The following FNBP4 variants were observed in gnomAD, a reference collection of about 807,000 sequenced individuals.
The protein encoded by FNBP4 is formin binding protein 4, also known as formin-binding protein 4.
A neutral mutation model predicts 119.3 loss-of-function variants in FNBP4; 34 were observed. That is an observed-to-expected ratio of 0.28 (90% confidence interval 0.22 to 0.38). The LOEUF (loss-of-function observed/expected upper bound fraction) is 0.38, where lower values mean the gene tolerates loss of function less well. Among genes scored for constraint, FNBP4 ranks in the 10% least tolerant of loss-of-function variants. The pLI, the probability that FNBP4 is intolerant of heterozygous loss-of-function variation, is 1.00. For synonymous variants in FNBP4, 462 were observed against 430.6 expected (o/e 1.07, Z -0.90); for missense variants, 1,112 against 1,228.9 (o/e 0.90, Z 1.42).
chr11:47,750,083 G>T (rs1338095644), intron 6 of FNBP4, among the ~76,000 whole-genome samples: 3 of 151,990 alleles, frequency 2.0e-5, no homozygotes. Flanking sequence ...AGCTCTCAAA[G>T]AAAAAGTGAA....
chr11:47,766,165 T>A (rs1474530239), intron 1 of FNBP4, among the ~76,000 whole-genome samples: 1 of 151,710 alleles, frequency 6.6e-6, no homozygotes, highest in Non-Finnish European at 1.5e-5. Context: ...AATACAAAAA[T>A]TAGCCGGGCA....
Position 47,723,165 on chromosome 11 carries a change from C to A in FNBP4, c.2616G>T (p.Met872Ile), listed in dbSNP as rs1299576372. 2 of 1,614,088 alleles carry A rather than the reference C, an allele frequency of 1.2e-6. No homozygotes were observed. The highest frequency in any genetic ancestry group is 1.7e-6 in the Non-Finnish European group (2 of 1,180,026). The change falls in exon 15 of 17, where the codon ATG (methionine) becomes ATT (isoleucine). Residue 872 changes from methionine (M) to isoleucine (I), a missense_variant. By Grantham distance (10) the Met-to-Ile change is conservative. Coordinates refer to ENST00000263773, the MANE Select transcript of FNBP4 (RefSeq NM_015308.5). ...TTGGGACAGAACATTCTGCATAACTCATAATTGCAGGTGCTGCCGCTAGTC... is the reference window on the plus strand; with the variant it reads ...TTGGGACAGAACATTCTGCATAACTAATAATTGCAGGTGCTGCCGCTAGTC... Reference protein sequence around the residue: ...YLGLAAAPAIMSYAECSVPIG... With the variant: ...YLGLAAAPAIISYAECSVPIG...
intron 15 of FNBP4, among the ~76,000 whole-genome samples, chr11:47,722,536 A>C (rs1297855686): frequency 6.6e-6 from 1 of 152,064 alleles, no homozygotes; most frequent in Non-Finnish European, 1.5e-5. Flanking sequence ...CACTTGAGAC[A>C]AACAGATTTC....
At chr11:47,724,206 G>C (rs750112750) in intron 13 of FNBP4, 34 bp from the exon 14 acceptor site, 2 of 1,611,570 alleles carry the variant, frequency 1.2e-6, no homozygotes, top group Non-Finnish European at 1.7e-6. Flanking sequence ...AGTGGCTGAA[G>C]GCCATGGTTA....
chr11:47,750,188 G>A (rs764879820), intron 6 of FNBP4, among the ~76,000 whole-genome samples: 24 of 151,784 alleles, frequency 1.6e-4, no homozygotes, highest in Non-Finnish European at 2.5e-4. Context: ...AGACCAGCCT[G>A]ACCAACATGG....
intron 1 of FNBP4, among the ~76,000 whole-genome samples, chr11:47,765,583 C>G (rs192678086): frequency 0.032 from 1,264 of 39,648 alleles, 38 homozygotes; most frequent in African/African-American, 0.076. Context: ...GGGGGGGGGG[C>G]CACTTGAGGT....
At chr11:47,728,650 C>T (rs1005625411) in intron 12 of FNBP4, among the ~76,000 whole-genome samples, 1 of 152,064 alleles carries the variant, frequency 6.6e-6, no homozygotes, top group Admixed American at 6.6e-5. Flanking sequence ...ATCCTTCCCA[C>T]CTCAGCCTTC....
chr11:47,736,489 G>A lies in FNBP4; in HGVS notation c.1581+127C>T, dbSNP rs557295496. On this transcript the variant is annotated intron_variant, in intron 9 of 16. Transcript: ENST00000263773. ...GAGAATGGCTTGAACCCAGGAGGCA[G>A]GCAGAGGTTGCAGTGAGCTGAGATC... The A allele has an allele frequency of 3.9e-5, 26 of 674,926 alleles. No individual in the cohort carries two copies. In the South Asian group the frequency reaches 4.8e-4, roughly 13 times the overall value. The allele number at this position is 674,926 out of a possible 1,614,324, so 41.8% of individuals were successfully genotyped here.
intron 2 of FNBP4, 116 bp from the exon 3 acceptor site, chr11:47,754,780 C>A: frequency 9.4e-7 from 1 of 1,062,382 alleles, no homozygotes; most frequent in Middle Eastern, 2.3e-4. Context: ...TAGAACATAA[C>A]CGCAAAACTA....
Position 47,759,339 on chromosome 11 carries a change from G to A in FNBP4, c.314-4675C>T, listed in dbSNP as rs138500301. On this transcript the variant is annotated intron_variant, in intron 2 of 16. Transcript: ENST00000263773. Reference sequence around the variant, plus strand: ...TGATTCTCCAGCCTCGGTCTCCCAAGTAGCTGGGATTATAGGCGTGCACCA... The same window carrying A: ...TGATTCTCCAGCCTCGGTCTCCCAAATAGCTGGGATTATAGGCGTGCACCA... Among the ~76,000 whole-genome samples, 901 of 151,482 alleles carry A rather than the reference G, an allele frequency of 5.9e-3. 7 individuals carry two copies. Among genetic ancestry groups the A allele is most frequent in the Non-Finnish European group, 8.1e-3 (548 of 67,904 alleles).
chr11:47,736,855 G>T, intron 8 of FNBP4, 115 bp from the exon 9 acceptor site: 1 of 989,434 alleles, frequency 1.0e-6, no homozygotes, highest in Non-Finnish European at 1.5e-6. Flanking sequence ...TCTCTTGCCT[G>T]TTTTACTTAC....
chr11:47,729,457 T>C (rs1363100128), intron 12 of FNBP4: 1 of 985,150 alleles, frequency 1.0e-6, no homozygotes, highest in Non-Finnish European at 1.2e-6. Flanking sequence ...CTTAGAAAAA[T>C]AAATAGAACT....
rs201639960 is a variant in FNBP4 at position 47,724,791 on chromosome 11, G to T, written c.2009-13C>A. 6 of 1,526,420 alleles carry T rather than the reference G, an allele frequency of 3.9e-6. No individual in the cohort carries two copies. The highest frequency in any genetic ancestry group is 2.3e-5 in the East Asian group (1 of 44,130). 94.6% of individuals were successfully genotyped at this position (1,526,420 alleles called of 1,614,324 possible). A position where few individuals can be genotyped will look rare whatever the true frequency, so the allele number is the denominator to read the frequency against. Reference sequence around the variant, plus strand: ...TTACAAAGAGAACCTATGAAAACAGGTAAGAGTCAGGGAAAAAGCAAGAAA... The same window carrying T: ...TTACAAAGAGAACCTATGAAAACAGTTAAGAGTCAGGGAAAAAGCAAGAAA... On this transcript the variant is annotated splice_polypyrimidine_tract_variant and intron_variant, in intron 12 of 16. Coordinates refer to ENST00000263773, the MANE Select transcript of FNBP4 (RefSeq NM_015308.5).
rs1247381969 is a variant in FNBP4, at chr11:47,755,396, C to G, written c.314-732G>C. 1.2e-4 allele frequency among the ~76,000 whole-genome samples: 18 copies of G among 151,778 alleles called. No homozygotes were observed. In the East Asian group the frequency reaches 3.5e-3, roughly 30 times the overall value. On this transcript the variant is annotated intron_variant, in intron 2 of 16. Transcript: ENST00000263773. ...CTCGGGAGGCGGAGGTTGCGGTGAG[C>G]TGAGATCACGCCACTGCACTCCAGC...
At chr11:47,745,801 G>A (rs887846603) in intron 7 of FNBP4, among the ~76,000 whole-genome samples, 1 of 152,036 alleles carries the variant, frequency 6.6e-6, no homozygotes, top group Non-Finnish European at 1.5e-5. Flanking sequence ...TCAGCTGGCC[G>A]ACACTTATGG....
At chr11:47,763,837 G>T (rs1199150733) in intron 2 of FNBP4, among the ~76,000 whole-genome samples, 1 of 152,042 alleles carries the variant, frequency 6.6e-6, no homozygotes, top group African/African-American at 2.4e-5. Context: ...TTTGAGAAAG[G>T]TGTTGACCCC....
chr11:47,734,858 A>T (rs1338879063), intron 9 of FNBP4, among the ~76,000 whole-genome samples: 4 of 151,982 alleles, frequency 2.6e-5, no homozygotes, highest in African/African-American at 9.7e-5. Flanking sequence ...CTGTAGTCCC[A>T]GCTACTCGGG....
chr11:47,735,500 A>C (rs972450553), intron 9 of FNBP4, among the ~76,000 whole-genome samples: 5 of 152,208 alleles, frequency 3.3e-5, no homozygotes, highest in Non-Finnish European at 7.3e-5. Context: ...ATTCAAACTA[A>C]ATTTGCCTTT....
Position 47,767,285 on chromosome 11 carries a change from C to T in FNBP4, c.4G>A (p.Gly2Arg), listed in dbSNP as rs2097649816. The stretch of plus-strand genomic sequence containing the variant: ...CCGGGTACCGCCCGGGACTTCTTCC[C>T]CATCGCGAGCCCAAGCGCGAGCAGA... The part of the protein sequence containing the change: M[G>R]KKSRAVPGRR... The change falls in exon 1 of 17, where the codon GGG (glycine) becomes AGG (arginine). Residue 2 changes from glycine (G) to arginine (R), a missense_variant. By Grantham distance (125) the Gly-to-Arg change is moderately radical. Transcript: ENST00000263773. 5.9e-6 allele frequency: 9 copies of T among 1,516,956 alleles called. No homozygotes were observed. The East Asian group carries it at 2.0e-4, about 33-fold the overall frequency. 94.0% of individuals were successfully genotyped at this position (1,516,956 alleles called of 1,614,324 possible). A position where few individuals can be genotyped will look rare whatever the true frequency, so the allele number is the denominator to read the frequency against.
Sources: gnomAD v4.1 joint callset for allele counts (sites outside exome capture counted in the v4.1 genomes callset) on GRCh38, gnomAD v4.1.1 for gene constraint, MANE v1.5 for transcripts, NCBI Gene and HGNC (gene_info 2026-07-23, HGNC 2026-07-21) for gene names.